Variants in OPRM1 observed in about 807,000 individuals in gnomAD.
OPRM1 encodes opioid receptor mu 1.
OPRM1 carries 27 observed loss-of-function variants against 31.8 expected under a neutral mutation model. That is an observed-to-expected ratio of 0.85 (90% CI 0.63 to 1.17). The LOEUF (loss-of-function observed/expected upper bound fraction) is 1.17. Among genes scored for constraint, OPRM1 ranks in the 50% most tolerant of loss-of-function variants. OPRM1 has a pLI of 0.00. For synonymous variants in OPRM1, 196 were observed against 189.9 expected (o/e 1.03, Z -0.26); for missense variants, 536 against 511.1 (o/e 1.05, Z -0.47).
chr6:154,071,544 C>T (rs1399417917), intron 1 of OPRM1, among the ~76,000 whole-genome samples: 2 of 150,896 alleles, frequency 1.3e-5, no homozygotes, highest in African/African-American at 2.5e-5. Context: ...CAGGAATATC[C>T]CTGTAGTTTT....
At position 154,120,834 on chromosome 6, in the gene OPRM1, C is replaced by T. The variant is rs1398967845; in HGVS notation, c.*2113C>T. On this transcript the variant is annotated 3_prime_UTR_variant, in exon 4 of 4. Coordinates refer to ENST00000330432, the MANE Select transcript of OPRM1 (RefSeq NM_000914.5). ...AGAGCAACTTTGTCTTCAAGTAGGA[C>T]CTGATCTATCTTTTTCCACAAATGT... 6.6e-6 allele frequency among the ~76,000 whole-genome samples: 1 copy of T among 152,134 alleles called. No individual in the cohort carries two copies. Among genetic ancestry groups the T allele is most frequent in the Non-Finnish European group, 1.5e-5 (1 of 68,012 alleles).
chr6:154,237,381 C>T (rs1037058409), intron 3 of OPRM1, among the ~76,000 whole-genome samples: 5 of 152,130 alleles, frequency 3.3e-5, no homozygotes, highest in African/African-American at 1.2e-4. Flanking sequence ...TACACGGGGT[C>T]GGTAGGTGTA....
chr6:154,228,544 T>A (rs562674367), intron 3 of OPRM1, among the ~76,000 whole-genome samples: 2 of 152,352 alleles, frequency 1.3e-5, no homozygotes, highest in East Asian at 3.9e-4. Context: ...CCCATCTAGT[T>A]TTCCCAGCAT....
rs747750705 is a variant in OPRM1 at position 154,123,271 on chromosome 6, C to T, written c.*4550C>T. Among the ~76,000 whole-genome samples, 1 of 151,832 alleles carries T rather than the reference C, an allele frequency of 6.6e-6. No individual in the cohort carries two copies. Among genetic ancestry groups the T allele is most frequent in the Non-Finnish European group, 1.5e-5 (1 of 67,922 alleles). ...TTGTGGGTTTGTTTTAAGTAAGCCA[C>T]TTTCCTCCCTGCAAGTTCCCACGGA... On this transcript the variant is annotated 3_prime_UTR_variant, in exon 4 of 4. Coordinates refer to ENST00000330432, the MANE Select transcript of OPRM1 (RefSeq NM_000914.5).
chr6:154,190,663 A>AC (rs1047166735), intron 3 of OPRM1, among the ~76,000 whole-genome samples: 73 of 152,210 alleles, frequency 4.8e-4, no homozygotes, highest in African/African-American at 1.6e-3. Flanking sequence ...ATTGCTATTT[A>AC]CCCCAAAGAG....
intron 3 of OPRM1, among the ~76,000 whole-genome samples, chr6:154,189,314 T>C (rs1325158923): frequency 6.6e-6 from 1 of 152,222 alleles, no homozygotes; most frequent in Non-Finnish European, 1.5e-5. Context: ...AACCAATTTA[T>C]AAAGCAATTT....
chr6:154,147,829 C>A (rs1798397399), intron 3 of OPRM1, among the ~76,000 whole-genome samples: 1 of 152,216 alleles, frequency 6.6e-6, no homozygotes, highest in Non-Finnish European at 1.5e-5. Flanking sequence ...ATGGGAAACA[C>A]AAATCCCAAG....
rs775366173 is a variant in OPRM1, at chr6:154,090,989, C to T, written c.681C>T (p.Thr227=). The part of the protein sequence containing the change: ...IDCTLTFSHP[T]WYWENLLKIC... The stretch of plus-strand genomic sequence containing the variant: ...GTACACTAACATTCTCTCATCCAAC[C>T]TGGTACTGGGAAAACCTGCTGAAGA... Residue 227 remains threonine (T), a synonymous_variant, in exon 3 of 4, where the codon ACC becomes ACT. Coordinates refer to ENST00000330432, the MANE Select transcript of OPRM1 (RefSeq NM_000914.5). 15 of 1,614,006 alleles carry T rather than the reference C, an allele frequency of 9.3e-6. No individual in the cohort carries two copies. Among genetic ancestry groups the T allele is most frequent in the Non-Finnish European group, 1.3e-5 (15 of 1,179,976 alleles).
intron 1 of OPRM1, among the ~76,000 whole-genome samples, chr6:154,043,651 A>T (rs1443869036): frequency 6.6e-6 from 1 of 152,030 alleles, no homozygotes; most frequent in African/African-American, 2.4e-5. Context: ...ATAATAGTTT[A>T]TTTACTCAAA....
chr6:154,020,034 G>T (rs1319642470), intron 1 of OPRM1, among the ~76,000 whole-genome samples: 1 of 152,086 alleles, frequency 6.6e-6, no homozygotes, highest in East Asian at 1.9e-4. Context: ...GCACCCAGCT[G>T]ATAGCTTATT....
intron 1 of OPRM1, among the ~76,000 whole-genome samples, chr6:154,054,344 G>A (rs936429461): frequency 4.0e-5 from 6 of 148,394 alleles, no homozygotes; most frequent in African/African-American, 1.3e-4. Flanking sequence ...ACTCCAGTCT[G>A]GTGACAGAGC....
intron 1 of OPRM1, among the ~76,000 whole-genome samples, chr6:154,019,668 G>A (rs1044467193): frequency 1.3e-5 from 2 of 151,650 alleles, no homozygotes; most frequent in African/African-American, 4.9e-5. Context: ...TTTCAGATTG[G>A]CTCATTTCAC....
rs1797426307 is a variant in OPRM1 at position 154,123,729 on chromosome 6, T to A, written c.*5008T>A. On this transcript the variant is annotated 3_prime_UTR_variant, in exon 4 of 4. Coordinates refer to ENST00000330432, the MANE Select transcript of OPRM1 (RefSeq NM_000914.5). ...TTTAAGACCGCATAGGGCAACTTCC[T>A]GACATTGCCATGGCATTTGTAAACT... Among the ~76,000 whole-genome samples, 1 of 152,224 alleles carries A rather than the reference T, an allele frequency of 6.6e-6. No individual in the cohort carries two copies. Among genetic ancestry groups the A allele is most frequent in the Non-Finnish European group, 1.5e-5 (1 of 68,038 alleles).
rs1013465957 is a variant in OPRM1 at position 154,123,293 on chromosome 6, C to A, written c.*4572C>A. Among the ~76,000 whole-genome samples, 1 of 146,340 alleles carries A rather than the reference C, an allele frequency of 6.8e-6. No individual in the cohort carries two copies. The highest frequency in any genetic ancestry group is 2.5e-5 in the African/African-American group (1 of 40,616). ...CCACTTTCCTCCCTGCAAGTTCCCA[C>A]GGAGCAGAAAAAAGGAGGAAACTTT... On this transcript the variant is annotated 3_prime_UTR_variant, in exon 4 of 4. Transcript: ENST00000330432.
chr6:154,020,860 C>A (rs1778326543), intron 1 of OPRM1, among the ~76,000 whole-genome samples: 1 of 152,190 alleles, frequency 6.6e-6, no homozygotes, highest in Non-Finnish European at 1.5e-5. Flanking sequence ...GTACTTTGGA[C>A]ACCAACCTTT....
chr6:154,067,659 T>C (rs1392143789), intron 1 of OPRM1, among the ~76,000 whole-genome samples: 3 of 152,106 alleles, frequency 2.0e-5, no homozygotes, highest in African/African-American at 7.2e-5. Flanking sequence ...TGTCTATATC[T>C]GTTAAACCTA....
chr6:154,185,702 C>T (rs551836425), intron 3 of OPRM1, among the ~76,000 whole-genome samples: 2 of 152,146 alleles, frequency 1.3e-5, no homozygotes, highest in South Asian at 4.2e-4. Context: ...TTCCCTCGGC[C>T]ACATTAGAAG....
chr6:154,051,807 C>G (rs904097753), intron 1 of OPRM1, among the ~76,000 whole-genome samples: 1 of 152,114 alleles, frequency 6.6e-6, no homozygotes, highest in African/African-American at 2.4e-5. Context: ...TATCATTTGA[C>G]CCAGCAATTC....
chr6:154,055,579 A>C (rs1783109275), intron 1 of OPRM1, among the ~76,000 whole-genome samples: 1 of 151,964 alleles, frequency 6.6e-6, no homozygotes, highest in Non-Finnish European at 1.5e-5. Context: ...ATCTTTCTAG[A>C]CTCCTAAGTT....
Sources: allele counts gnomAD v4.1 joint callset (sites outside exome capture counted in the v4.1 genomes callset), GRCh38; gene constraint gnomAD v4.1.1; transcripts MANE v1.5; gene names NCBI Gene and HGNC (gene_info 2026-07-23, HGNC 2026-07-21).